The following TMEM132C variants were observed in gnomAD, a reference collection of about 807,000 sequenced individuals.
The protein encoded by TMEM132C is protein phosphatase 1, regulatory subunit 152.
A neutral mutation model predicts 61.4 loss-of-function variants in TMEM132C; 29 were observed. The ratio of observed to expected loss-of-function variants is 0.47; its 90% CI spans 0.35 to 0.64. TMEM132C has a LOEUF of 0.64. Ranked by LOEUF, TMEM132C falls within the 30% of genes least tolerant of loss-of-function variation. The pLI is 0.00. For synonymous variants in TMEM132C, 656 were observed against 633.1 expected, an observed-to-expected ratio of 1.04 and a Z score of -0.54; for missense variants, 1,408 against 1,476.9, an observed-to-expected ratio of 0.95 and a Z score of 0.76.
At chr12:128,294,694 CT>C (rs1184232279) in intron 1 of TMEM132C, among the ~76,000 whole-genome samples, 1 of 152,142 alleles carries the variant, frequency 6.6e-6, no homozygotes, top group Non-Finnish European at 1.5e-5. Context: ...GGGCTTCTCC[CT>C]ATGTCCTCTC....
chr12:128,285,331 T>C (rs1216155903), intron 1 of TMEM132C, among the ~76,000 whole-genome samples: 3 of 152,202 alleles, frequency 2.0e-5, no homozygotes, highest in Non-Finnish European at 4.4e-5. Context: ...AATATCATAT[T>C]GTACCCCATG....
At chr12:128,531,387 G>A (rs905225570) in intron 2 of TMEM132C, among the ~76,000 whole-genome samples, 8 of 152,212 alleles carry the variant, frequency 5.3e-5, no homozygotes, top group Admixed American at 3.9e-4. Flanking sequence ...TTGGAAACAC[G>A]TTTGACTGCA....
At chr12:128,332,752 A>G (rs1225953844) in intron 1 of TMEM132C, among the ~76,000 whole-genome samples, 2 of 152,210 alleles carry the variant, frequency 1.3e-5, no homozygotes, top group Non-Finnish European at 2.9e-5. Flanking sequence ...GGTGTCCCAG[A>G]GCCCTGGCTC....
intron 2 of TMEM132C, among the ~76,000 whole-genome samples, chr12:128,524,442 C>T (rs1014256035): frequency 7.2e-5 from 11 of 152,270 alleles, no homozygotes; most frequent in Admixed American, 2.0e-4. Flanking sequence ...TTTAGCCCTA[C>T]ATAGCTCATG....
chr12:128,496,946 T>TC, intron 2 of TMEM132C, among the ~76,000 whole-genome samples: 1 of 152,236 alleles, frequency 6.6e-6, no homozygotes, highest in East Asian at 1.9e-4. Context: ...CTCTGTTTTT[T>TC]CCCGATCTTT....
chr12:128,620,045 A>G (rs1315559812), intron 4 of TMEM132C, among the ~76,000 whole-genome samples: 1 of 151,980 alleles, frequency 6.6e-6, no homozygotes, highest in East Asian at 1.9e-4. Context: ...AGCTTGGGTA[A>G]CATAGTGAGA....
intron 4 of TMEM132C, among the ~76,000 whole-genome samples, chr12:128,640,984 G>A (rs1052990617): frequency 6.6e-6 from 1 of 152,156 alleles, no homozygotes; most frequent in African/African-American, 2.4e-5. Context: ...GGCTAGCTTG[G>A]TTTCCAGTAC....
chr12:128,411,894 G>A (rs1868564768), intron 1 of TMEM132C, among the ~76,000 whole-genome samples: 1 of 152,034 alleles, frequency 6.6e-6, no homozygotes, highest in East Asian at 1.9e-4. Context: ...TTCTATATTT[G>A]TAACCCCTTC....
intron 1 of TMEM132C, among the ~76,000 whole-genome samples, chr12:128,356,157 A>G (rs1301998570): frequency 6.6e-6 from 1 of 152,228 alleles, no homozygotes. Context: ...TCTCAACTCC[A>G]GGAGAAATAT....
At chr12:128,670,000 A>G (rs2135630980) in intron 5 of TMEM132C, among the ~76,000 whole-genome samples, 1 of 152,308 alleles carries the variant, frequency 6.6e-6, no homozygotes, top group African/African-American at 2.4e-5. Context: ...TCACATACTT[A>G]TCTTTTTTAT....
intron 1 of TMEM132C, among the ~76,000 whole-genome samples, chr12:128,412,170 A>G (rs1868581195): frequency 6.6e-6 from 1 of 152,130 alleles, no homozygotes; most frequent in Non-Finnish European, 1.5e-5. Context: ...AATTAAGTTC[A>G]TTTCTTTCCA....
chr12:128,411,316 T>C (rs1377272815), intron 1 of TMEM132C, among the ~76,000 whole-genome samples: 1 of 152,242 alleles, frequency 6.6e-6, no homozygotes, highest in Non-Finnish European at 1.5e-5. Context: ...CATCCTCTTA[T>C]GACCTTTGCC....
intron 1 of TMEM132C, among the ~76,000 whole-genome samples, chr12:128,284,829 T>C (rs1364963184): frequency 6.6e-6 from 1 of 152,126 alleles, no homozygotes; most frequent in Non-Finnish European, 1.5e-5. Flanking sequence ...TGGTATCTCA[T>C]AGAATAGAAG....
intron 5 of TMEM132C, among the ~76,000 whole-genome samples, chr12:128,683,018 AT>A (rs2135642217): frequency 6.6e-6 from 1 of 152,058 alleles, no homozygotes; most frequent in African/African-American, 2.4e-5. Flanking sequence ...GGGCTTTAGG[AT>A]CTCGAGTGCC....
intron 4 of TMEM132C, among the ~76,000 whole-genome samples, chr12:128,653,269 AG>A (rs879593764): frequency 8.6e-4 from 113 of 131,874 alleles, no homozygotes; most frequent in Non-Finnish European, 1.4e-3. Context: ...GGCTGGGAGG[AG>A]GGGGGGATGG....
At chr12:128,486,873 GCAAACA>G (rs758334592) in intron 2 of TMEM132C, among the ~76,000 whole-genome samples, 1 of 114,338 alleles carries the variant, frequency 8.7e-6, no homozygotes, top group African/African-American at 4.0e-5. Flanking sequence ...ATGTGTGCAT[GCAAACA>G]CACACACACA....
At chr12:128,592,314 G>A (rs1465925450) in intron 3 of TMEM132C, among the ~76,000 whole-genome samples, 1 of 152,148 alleles carries the variant, frequency 6.6e-6, no homozygotes, top group Non-Finnish European at 1.5e-5. Context: ...GGCACTCTTG[G>A]ACATTTGAGA....
chr12:128,608,188 G>A (rs1876493464), intron 3 of TMEM132C, among the ~76,000 whole-genome samples: 2 of 152,198 alleles, frequency 1.3e-5, no homozygotes, highest in Non-Finnish European at 2.9e-5. Context: ...CTTCCACTTG[G>A]TGGGTAGTCG....
chr12:128,394,738 T>C (rs988937603), intron 1 of TMEM132C, among the ~76,000 whole-genome samples: 5 of 152,166 alleles, frequency 3.3e-5, no homozygotes, highest in African/African-American at 9.7e-5. Context: ...TTAAAGTGTG[T>C]TGTGCACCTG....
Sources: allele counts gnomAD v4.1 joint callset (sites outside exome capture counted in the v4.1 genomes callset), GRCh38; gene constraint gnomAD v4.1.1; transcripts MANE v1.5; gene names NCBI Gene and HGNC (gene_info 2026-07-23, HGNC 2026-07-21).